The following BCL9 variants were observed in gnomAD, a reference collection of about 807,000 sequenced individuals.
BCL9 encodes the protein BCL9 transcription coactivator, also known as B-cell CLL/lymphoma 9 protein.
Under a neutral mutation model 88.5 loss-of-function variants are expected in BCL9, and 25 were observed. That is an observed-to-expected ratio of 0.28 (90% CI 0.21 to 0.39). The LOEUF (loss-of-function observed/expected upper bound fraction) is 0.39. Among genes scored for constraint, BCL9 ranks in the 10% least tolerant of loss-of-function variants. The pLI is 1.00. For missense variants in BCL9, 1,817 were observed against 1,877.8 expected (o/e 0.97, Z 0.60); for synonymous variants, 711 against 673.3 (o/e 1.06, Z -0.87).
intron 1 of BCL9, chr1:147,600,188 G>T (rs1373520151): frequency 6.2e-6 from 1 of 160,814 alleles, no homozygotes; most frequent in African/African-American, 2.4e-5. Context: ...GGAGTGGGAC[G>T]GCGCCGCCGC....
intron 1 of BCL9, among the ~76,000 whole-genome samples, chr1:147,570,732 T>C (rs1202146194): frequency 6.8e-6 from 1 of 146,342 alleles, no homozygotes; most frequent in African/African-American, 2.5e-5. Context: ...GCCTCCCGGG[T>C]TCAAGCGATT....
chr1:147,624,894 G>T lies in BCL9; in HGVS notation c.4216G>T (p.Ala1406Ser), dbSNP rs782678214. Residue 1406 changes from alanine to serine, a missense_variant, in exon 10 of 10, where the codon GCT becomes TCT. Physicochemically the swap from Ala to Ser is moderately conservative, Grantham distance 99. Transcript: ENST00000234739. The surrounding 1 kb of genome is among the most constrained non-coding windows in gnomAD (Gnocchi z 4.4). ...IPPQMRPRGM[A>S]ADVGMGGFSQ... ...CCCACAGATGAGGCCCCGGGGCATGGCTGCTGACGTGGGCATGGGTGGATT... is the reference window on the plus strand; with the variant it reads ...CCCACAGATGAGGCCCCGGGGCATGTCTGCTGACGTGGGCATGGGTGGATT... 12 of 1,613,964 alleles carry T rather than the reference G, an allele frequency of 7.4e-6. No homozygotes were observed. Among genetic ancestry groups the T allele is most frequent in the Non-Finnish European group, 9.3e-6 (11 of 1,179,932 alleles).
chr1:147,614,825 T>C (rs587636977), intron 6 of BCL9, among the ~76,000 whole-genome samples: 12 of 148,062 alleles, frequency 8.1e-5, no homozygotes, highest in Admixed American at 7.0e-5. Flanking sequence ...TGTACAAATA[T>C]ACATATATAT....
At chr1:147,569,974 A>G (rs1655801796) in intron 1 of BCL9, among the ~76,000 whole-genome samples, 1 of 152,206 alleles carries the variant, frequency 6.6e-6, no homozygotes, top group South Asian at 2.1e-4. Flanking sequence ...TCACAGGAGA[A>G]GATTAGTTCT....
In BCL9 at chr1:147,622,347, T is replaced by C; in HGVS notation, c.2979T>C (p.Tyr993=). Reference sequence around the variant, plus strand: ...GAAGTCTTCCCTCTAGTACACCTTATACCATGCCTCCAGAGCCAACCCTTT... The same window carrying C: ...GAAGTCTTCCCTCTAGTACACCTTACACCATGCCTCCAGAGCCAACCCTTT... The part of the protein sequence containing the change: ...IPGSLPSSTP[Y]TMPPEPTLSQ... Residue 993 remains tyrosine (Y), a synonymous_variant, in exon 9 of 10, where the codon TAT becomes TAC. Transcript: ENST00000234739. 6.2e-7 allele frequency: 1 copy of C among 1,614,204 alleles called. No individual in the cohort carries two copies. Among genetic ancestry groups the C allele is most frequent in the South Asian group, 1.1e-5 (1 of 91,086 alleles).
chr1:147,603,797 C>T lies in BCL9; in HGVS notation c.-477-980C>T, dbSNP rs981616438. On this transcript the variant is annotated intron_variant, in intron 1 of 9. Transcript: ENST00000234739. ...GTGTTGGGATTGCAGGCTTGAGCCA[C>T]CGTGCCCGGCCAGATCAGGGTTCTT... Among the ~76,000 whole-genome samples the T allele has an allele frequency of 4.6e-5, 7 of 152,214 alleles. No homozygotes were observed. The South Asian group carries it at 1.5e-3, about 32-fold the overall frequency.
At position 147,624,285 on chromosome 1, in the gene BCL9, T is replaced by C; in HGVS notation, c.3607T>C (p.Ser1203Pro). Residue 1203 changes from serine to proline, a missense_variant, in exon 10 of 10, where the codon TCC (serine) becomes CCC (proline). Physicochemically the swap from Ser to Pro is moderately conservative, Grantham distance 74. Coordinates refer to ENST00000234739, the MANE Select transcript of BCL9 (RefSeq NM_004326.4). The surrounding 1 kb of genome is among the most constrained non-coding windows in gnomAD (Gnocchi z 4.4). The stretch of plus-strand genomic sequence containing the variant: ...GCCTGGAGGCCCCGGGGGTCCTGAC[T>C]CCTTCACTGTCCTGGGGAACAGCAT... ...CKPGGPGGPD[S>P]FTVLGNSMPS... 6.2e-7 allele frequency: 1 copy of C among 1,614,014 alleles called. No homozygotes were observed. The highest frequency in any genetic ancestry group is 8.5e-7 in the Non-Finnish European group (1 of 1,179,978).
At chr1:147,602,225 T>TG (rs1327430272) in intron 1 of BCL9, among the ~76,000 whole-genome samples, 146,853 of 148,710 alleles carry the variant, frequency 0.99, 72,528 homozygotes, top group East Asian at 1. Flanking sequence ...TTTTTTTTTG[T>TG]AGATGGAGTC....
At chr1:147,544,544 A>C (rs1206524692) in intron 1 of BCL9, among the ~76,000 whole-genome samples, 2 of 152,208 alleles carry the variant, frequency 1.3e-5, no homozygotes, top group Non-Finnish European at 2.9e-5. Flanking sequence ...TGGATAATTC[A>C]TGTTGACCGT....
chr1:147,614,044 A>C (rs1658142385), intron 5 of BCL9, among the ~76,000 whole-genome samples: 1 of 152,200 alleles, frequency 6.6e-6, no homozygotes, highest in Non-Finnish European at 1.5e-5. Flanking sequence ...GTTGTCCTCA[A>C]AGATTTGAAT....
chr1:147,556,425 C>T (rs1168973733), intron 1 of BCL9, among the ~76,000 whole-genome samples: 1 of 150,894 alleles, frequency 6.6e-6, no homozygotes, highest in Non-Finnish European at 1.5e-5. Flanking sequence ...CGCCCAGCCT[C>T]ATTTATTTAT....
chr1:147,581,895 T>G (rs973343557), intron 1 of BCL9, among the ~76,000 whole-genome samples: 1 of 152,206 alleles, frequency 6.6e-6, no homozygotes, highest in Admixed American at 6.5e-5. Context: ...AACTTCTGAT[T>G]CTGGATTTTT....
chr1:147,619,742 G>A lies in BCL9; in HGVS notation c.1587G>A (p.Gly529=), dbSNP rs1553204732. 6.2e-7 allele frequency: 1 copy of A among 1,614,068 alleles called. No homozygotes were observed. The highest frequency in any genetic ancestry group is 1.1e-5 in the South Asian group (1 of 91,078). The change falls in exon 8 of 10, where the codon GGG becomes GGA. Residue 529 remains glycine (G), a synonymous_variant. Coordinates refer to ENST00000234739, the MANE Select transcript of BCL9 (RefSeq NM_004326.4). The surrounding 1 kb of genome is among the most constrained non-coding windows in gnomAD (Gnocchi z 4.1). ...QMTPSEGWAP[G]GTEPFSDGIN... is the part of the protein sequence containing the mutation. ...CCCCTAGTGAAGGCTGGGCACCTGG[G>A]GGTACAGAGCCATTTTCTGATGGTA...
rs782537631 is a variant in BCL9, at chr1:147,619,780, A to G, written c.1625A>G (p.His542Arg). The G allele has an allele frequency of 5.0e-6, 8 of 1,613,916 alleles. No homozygotes were observed. In the East Asian group the frequency reaches 1.3e-4, roughly 27 times the overall value. Reference sequence around the variant, plus strand: ...TTTTCTGATGGTATCAACATGCCACATTCTCTGCCCCCGAGGGGCATGGCT... The same window carrying G: ...TTTTCTGATGGTATCAACATGCCACGTTCTCTGCCCCCGAGGGGCATGGCT... ...EPFSDGINMP[H>R]SLPPRGMAPH... The change falls in exon 8 of 10, where the codon CAT (histidine) becomes CGT (arginine). Residue 542 changes from histidine to arginine, a missense_variant. Physicochemically the swap from His to Arg is conservative, Grantham distance 29 (BLOSUM62 0). Transcript: ENST00000234739. This position sits in a 1 kb window ranked among gnomAD's most constrained non-coding sequence, Gnocchi z 4.1.
intron 1 of BCL9, among the ~76,000 whole-genome samples, chr1:147,581,133 T>C (rs1188835697): frequency 2.0e-5 from 3 of 152,156 alleles, no homozygotes; most frequent in African/African-American, 7.2e-5. Context: ...TTATTTGACC[T>C]CTCTAAAGTC....
intron 1 of BCL9, among the ~76,000 whole-genome samples, chr1:147,595,146 C>T (rs1656992734): frequency 6.6e-6 from 1 of 152,234 alleles, no homozygotes; most frequent in African/African-American, 2.4e-5. Flanking sequence ...TATTCAGCAT[C>T]ATCACCTTAA....
At position 147,624,637 on chromosome 1, in the gene BCL9, C is replaced by T; in HGVS notation, c.3959C>T (p.Ala1320Val). The change falls in exon 10 of 10, where the codon GCC (alanine) becomes GTC (valine). Residue 1320 changes from alanine (A) to valine (V), a missense_variant. Physicochemically the swap from Ala to Val is moderately conservative, Grantham distance 64. This residue lies in a region of BCL9 where 589 missense variants were observed against 686.2 expected (regional missense o/e 0.86). Transcript: ENST00000234739. This position sits in a 1 kb window ranked among gnomAD's most constrained non-coding sequence, Gnocchi z 4.4. The part of the protein sequence containing the change: ...MPGHNPMRPP[A>V]FLQQGMMGPH... ...GGCCACAACCCCATGAGACCACCAGCCTTTCTCCAACAAGGCATGATGGGA... is the reference window on the plus strand; with the variant it reads ...GGCCACAACCCCATGAGACCACCAGTCTTTCTCCAACAAGGCATGATGGGA... 2 of 1,614,230 alleles carry T rather than the reference C, an allele frequency of 1.2e-6. No individual in the cohort carries two copies. The highest frequency in any genetic ancestry group is 3.3e-5 in the Admixed American group (2 of 60,032).
At chr1:147,596,648 C>A (rs1278984251) in intron 1 of BCL9, among the ~76,000 whole-genome samples, 1 of 151,902 alleles carries the variant, frequency 6.6e-6, no homozygotes, top group Non-Finnish European at 1.5e-5. Context: ...CTCCTGACCT[C>A]GTGATCCGCC....
At chr1:147,546,495 G>A (rs1221176698) in intron 1 of BCL9, among the ~76,000 whole-genome samples, 2 of 152,028 alleles carry the variant, frequency 1.3e-5, no homozygotes, top group Admixed American at 1.3e-4. Context: ...TTCTAGCTTT[G>A]GTTTTGCCAG....
Sources: allele counts gnomAD v4.1 joint callset (sites outside exome capture counted in the v4.1 genomes callset), GRCh38; gene constraint gnomAD v4.1.1; regional missense constraint gnomAD v4.1.1; non-coding constraint Gnocchi (gnomAD v3.1); transcripts MANE v1.5; gene names NCBI Gene and HGNC (gene_info 2026-07-23, HGNC 2026-07-21).